Variants in DACH1 observed in about 807,000 individuals in gnomAD.
DACH1 encodes dachshund family transcription factor 1, also known as dachshund homolog 1.
A neutral mutation model predicts 54.2 loss-of-function variants in DACH1; 12 were observed. The ratio of observed to expected loss-of-function variants is 0.22; its 90% confidence interval spans 0.14 to 0.36. DACH1 has a LOEUF of 0.36. DACH1 is among the 10% of genes least tolerant of loss of function. The pLI is 1.00. For synonymous variants in DACH1, 386 were observed against 366.2 expected (o/e 1.05, Z -0.62); for missense variants, 805 against 929.8 (o/e 0.87, Z 1.75).
chr13:71,688,041 A>C (rs1400694628), intron 1 of DACH1, among the ~76,000 whole-genome samples: 1 of 152,190 alleles, frequency 6.6e-6, no homozygotes, highest in Non-Finnish European at 1.5e-5. Context: ...CATATAATTA[A>C]CCACATATAA....
chr13:71,781,970 T>A (rs1450852334), intron 1 of DACH1, among the ~76,000 whole-genome samples: 1 of 152,204 alleles, frequency 6.6e-6, no homozygotes, highest in Non-Finnish European at 1.5e-5. Context: ...CTACACTGAT[T>A]ACTGCAATAA....
chr13:71,721,722 G>A (rs905199891), intron 1 of DACH1, among the ~76,000 whole-genome samples: 5 of 151,954 alleles, frequency 3.3e-5, no homozygotes, highest in South Asian at 4.1e-4. Context: ...TATTTTGTGC[G>A]ATATCATAAA....
At chr13:71,753,473 A>G (rs1396679585) in intron 1 of DACH1, among the ~76,000 whole-genome samples, 7 of 152,182 alleles carry the variant, frequency 4.6e-5, no homozygotes, top group African/African-American at 1.4e-4. Flanking sequence ...TGAAGATGTA[A>G]TCACTTAAAG....
At chr13:71,542,694 T>A (rs1331168877) in intron 6 of DACH1, among the ~76,000 whole-genome samples, 1 of 152,120 alleles carries the variant, frequency 6.6e-6, no homozygotes, top group East Asian at 1.9e-4. Context: ...ATGAATTTTA[T>A]TGGAAGCCAA....
intron 6 of DACH1, among the ~76,000 whole-genome samples, chr13:71,510,482 T>A (rs1037265555): frequency 2.0e-4 from 31 of 152,004 alleles, no homozygotes; most frequent in Admixed American, 1.8e-3. Flanking sequence ...TCCCATTCTA[T>A]TCCCCTCCTT....
rs565135591 is a variant in DACH1 at position 71,843,846 on chromosome 13, T to A, written c.848+22076A>T. 9.2e-5 allele frequency among the ~76,000 whole-genome samples: 14 copies of A among 152,328 alleles called. No homozygotes were observed. The South Asian group carries it at 2.7e-3, about 29-fold the overall frequency. On this transcript the variant is annotated intron_variant, in intron 1 of 10. Transcript: ENST00000613252. ...GTCATTTAAGAGGATATGTTTATGG[T>A]GCAGGTTACAGGCAGCTTTGCCCAT...
At chr13:71,452,326 C>A (rs763291466) in intron 10 of DACH1, among the ~76,000 whole-genome samples, 2 of 152,018 alleles carry the variant, frequency 1.3e-5, no homozygotes, top group Non-Finnish European at 2.9e-5. Context: ...CAGGGTTTCA[C>A]CTTGTTGCCC....
At chr13:71,770,357 T>C (rs1461545409) in intron 1 of DACH1, among the ~76,000 whole-genome samples, 1 of 151,626 alleles carries the variant, frequency 6.6e-6, no homozygotes, top group African/African-American at 2.4e-5. Context: ...GTATTTAAAA[T>C]ATTTGGCTCT....
At chr13:71,546,527 T>A (rs74095971) in intron 6 of DACH1, among the ~76,000 whole-genome samples, 1 of 152,010 alleles carries the variant, frequency 6.6e-6, no homozygotes, top group African/African-American at 2.4e-5. Context: ...AAAGCAGTTG[T>A]TTTTAAGAAT....
intron 1 of DACH1, among the ~76,000 whole-genome samples, chr13:71,753,348 G>T (rs1246729245): frequency 2.6e-5 from 4 of 152,102 alleles, no homozygotes; most frequent in Admixed American, 6.6e-5. Flanking sequence ...TACAGATGAG[G>T]TACATTTCTT....
chr13:71,508,390 A>G (rs1268872247), intron 6 of DACH1, among the ~76,000 whole-genome samples: 1 of 152,196 alleles, frequency 6.6e-6, no homozygotes, highest in African/African-American at 2.4e-5. Context: ...AATGAAAACA[A>G]AAGAATAACT....
intron 1 of DACH1, among the ~76,000 whole-genome samples, chr13:71,779,169 ATATATATACACATATATACGTATATACG>A (rs1269238894): frequency 2.9e-5 from 2 of 68,376 alleles, no homozygotes; most frequent in South Asian, 3.2e-4. Flanking sequence ...GTATATACGT[ATATATATACACATATATACGTATATACG>A]TATATATGTG....
intron 1 of DACH1, among the ~76,000 whole-genome samples, chr13:71,838,219 G>C (rs942434062): frequency 5.3e-5 from 8 of 152,036 alleles, no homozygotes; most frequent in African/African-American, 1.9e-4. Context: ...ATGTTTTAAA[G>C]TTAATAGATG....
At chr13:71,769,477 A>G (rs1885766157) in intron 1 of DACH1, among the ~76,000 whole-genome samples, 1 of 151,716 alleles carries the variant, frequency 6.6e-6, no homozygotes. Flanking sequence ...GAAATTAAGT[A>G]TATCCAGGAT....
At chr13:71,613,127 A>G (rs1161979549) in intron 3 of DACH1, among the ~76,000 whole-genome samples, 1 of 152,230 alleles carries the variant, frequency 6.6e-6, no homozygotes, top group Non-Finnish European at 1.5e-5. Flanking sequence ...TTTTAATTTT[A>G]GCATTCGAGG....
At chr13:71,641,623 G>T (rs1347000590) in intron 2 of DACH1, among the ~76,000 whole-genome samples, 3 of 152,100 alleles carry the variant, frequency 2.0e-5, no homozygotes, top group Non-Finnish European at 4.4e-5. Context: ...AAAACACATA[G>T]TGCCATGTGA....
intron 1 of DACH1, among the ~76,000 whole-genome samples, chr13:71,822,696 A>C (rs1246068409): frequency 6.6e-6 from 1 of 152,200 alleles, no homozygotes; most frequent in Non-Finnish European, 1.5e-5. Flanking sequence ...TTTAGACACC[A>C]TAGTTTAAGG....
intron 1 of DACH1, among the ~76,000 whole-genome samples, chr13:71,840,866 AAG>A (rs1872792383): frequency 6.6e-6 from 1 of 152,138 alleles, no homozygotes; most frequent in Non-Finnish European, 1.5e-5. Context: ...GGCTTGGATG[AAG>A]AGTTTATCAC....
chr13:71,526,882 C>G (rs1220139049), intron 6 of DACH1, among the ~76,000 whole-genome samples: 7 of 151,774 alleles, frequency 4.6e-5, no homozygotes, highest in Non-Finnish European at 1.0e-4. Flanking sequence ...GTGAAGTCTT[C>G]CTGAGCTGTC....
Sources: allele counts gnomAD v4.1 joint callset (sites outside exome capture counted in the v4.1 genomes callset), GRCh38; gene constraint gnomAD v4.1.1; transcripts MANE v1.5; gene names NCBI Gene and HGNC (gene_info 2026-07-23, HGNC 2026-07-21).